The following PTCHD4 variants were observed in gnomAD, a reference collection of about 807,000 sequenced individuals.
PTCHD4 encodes patched domain containing 4.
Under a neutral mutation model 58.1 loss-of-function variants are expected in PTCHD4, and 33 were observed. That is an observed-to-expected ratio of 0.57 (90% CI 0.43 to 0.76). The LOEUF (loss-of-function observed/expected upper bound fraction) is 0.76. Ranked by LOEUF, PTCHD4 falls within the 30% of genes least tolerant of loss-of-function variation. PTCHD4 has a pLI of 0.00. For synonymous variants in PTCHD4, 478 were observed against 409.6 expected, an observed-to-expected ratio of 1.17 and a Z score of -2.02; for missense variants, 1,058 against 1,027.1, an observed-to-expected ratio of 1.03 and a Z score of -0.41.
intron 1 of PTCHD4, among the ~76,000 whole-genome samples, chr6:48,086,219 C>T (rs1481370284): frequency 2.0e-5 from 3 of 152,140 alleles, no homozygotes; most frequent in East Asian, 1.9e-4. Flanking sequence ...AAATGAGCAG[C>T]GTTATGTCCT....
intron 4 of PTCHD4, among the ~76,000 whole-genome samples, chr6:47,985,378 C>A (rs557644882): frequency 1.1e-4 from 17 of 152,082 alleles, no homozygotes; most frequent in African/African-American, 3.9e-4. Flanking sequence ...CTAGGATAAT[C>A]TAATATTTTC....
At chr6:47,913,848 T>C (rs1765147297) in intron 4 of PTCHD4, among the ~76,000 whole-genome samples, 1 of 152,156 alleles carries the variant, frequency 6.6e-6, no homozygotes, top group African/African-American at 2.4e-5. Context: ...AACATTTTTC[T>C]GTGATTGAGT....
At chr6:48,076,771 C>T (rs1278000257) in intron 1 of PTCHD4, among the ~76,000 whole-genome samples, 1 of 152,134 alleles carries the variant, frequency 6.6e-6, no homozygotes, top group African/African-American at 2.4e-5. Flanking sequence ...TCCAGGGATG[C>T]CTTGTGCTCG....
intron 4 of PTCHD4, among the ~76,000 whole-genome samples, chr6:47,935,140 A>C (rs1051146741): frequency 9.9e-5 from 15 of 152,210 alleles, no homozygotes; most frequent in African/African-American, 3.1e-4. Context: ...GGCTCTTGTT[A>C]TAAAATCAGA....
intron 1 of PTCHD4, among the ~76,000 whole-genome samples, chr6:48,071,415 T>C (rs1764972399): frequency 6.6e-6 from 1 of 152,164 alleles, no homozygotes; most frequent in Admixed American, 6.5e-5. Context: ...TATGAAACCA[T>C]TTTGCAAAAT....
At chr6:48,054,970 T>A (rs960389437) in intron 3 of PTCHD4, among the ~76,000 whole-genome samples, 2 of 152,208 alleles carry the variant, frequency 1.3e-5, no homozygotes, top group African/African-American at 4.8e-5. Flanking sequence ...ATACCATTTT[T>A]TGATCCCAGA....
chr6:47,995,846 A>G (rs1768465992), intron 4 of PTCHD4, among the ~76,000 whole-genome samples: 2 of 152,196 alleles, frequency 1.3e-5, no homozygotes, highest in South Asian at 2.1e-4. Context: ...TATTTGATGG[A>G]CGTGCAGCCA....
At chr6:48,093,164 G>A (rs1023442857) in intron 1 of PTCHD4, among the ~76,000 whole-genome samples, 9 of 152,102 alleles carry the variant, frequency 5.9e-5, no homozygotes, top group African/African-American at 9.7e-5. Flanking sequence ...ATTCTTGCAG[G>A]ATTCCTGCAA....
At chr6:48,106,825 A>G (rs192131012) in intron 1 of PTCHD4, among the ~76,000 whole-genome samples, 63 of 152,314 alleles carry the variant, frequency 4.1e-4, no homozygotes, top group Middle Eastern at 3.4e-3. Flanking sequence ...CAGAGAGCCA[A>G]ATGATGAGTT....
At chr6:47,969,266 C>G (rs1019017738) in intron 4 of PTCHD4, among the ~76,000 whole-genome samples, 5 of 152,192 alleles carry the variant, frequency 3.3e-5, no homozygotes, top group Admixed American at 6.5e-5. Context: ...GTATTTTCCT[C>G]TTGTGTACTC....
At chr6:47,925,711 T>C (rs992609404) in intron 4 of PTCHD4, among the ~76,000 whole-genome samples, 1 of 152,228 alleles carries the variant, frequency 6.6e-6, no homozygotes, top group Admixed American at 6.5e-5. Flanking sequence ...TTGCTTTTAG[T>C]TATTCTTTGC....
At chr6:48,015,309 T>A (rs1040807528) in intron 3 of PTCHD4, among the ~76,000 whole-genome samples, 6 of 151,854 alleles carry the variant, frequency 4.0e-5, no homozygotes, top group South Asian at 4.1e-4. Flanking sequence ...TTGTACAATT[T>A]AAATGAGACA....
intron 4 of PTCHD4, among the ~76,000 whole-genome samples, chr6:47,950,197 A>G (rs1162017997): frequency 6.6e-6 from 1 of 152,090 alleles, no homozygotes; most frequent in Non-Finnish European, 1.5e-5. Flanking sequence ...ATGTCCCTAC[A>G]AAGGACATAA....
chr6:48,051,513 A>T (rs1354437366), intron 3 of PTCHD4, among the ~76,000 whole-genome samples: 1 of 151,858 alleles, frequency 6.6e-6, no homozygotes, highest in Non-Finnish European at 1.5e-5. Context: ...GGGGTCATGG[A>T]AAGTTCCACT....
At chr6:47,891,757 G>A (rs1764388377) in intron 4 of PTCHD4, among the ~76,000 whole-genome samples, 1 of 151,474 alleles carries the variant, frequency 6.6e-6, no homozygotes, top group African/African-American at 2.4e-5. Flanking sequence ...CCGATGGCGT[G>A]GGTTTTTCCT....
chr6:48,097,675 C>T (rs1765502892), intron 1 of PTCHD4, among the ~76,000 whole-genome samples: 1 of 152,126 alleles, frequency 6.6e-6, no homozygotes, highest in South Asian at 2.1e-4. Flanking sequence ...GACAAAGCCC[C>T]TGTCTTCTGA....
chr6:48,068,147 AT>A lies in PTCHD4; in HGVS notation c.417+82del. Reference sequence around the variant, plus strand: ...CCTGAGATCCTCTAGCACTGAAATAATATCATCCAGCACGCATTTCTTATCC... The same window carrying A: ...CCTGAGATCCTCTAGCACTGAAATAAATCATCCAGCACGCATTTCTTATCC... On this transcript the variant is annotated intron_variant, in intron 3 of 4. Coordinates refer to ENST00000339488, the MANE Select transcript of PTCHD4 (RefSeq NM_001384253.1). The surrounding 1 kb of genome is among the most constrained non-coding windows in gnomAD (Gnocchi z 4.2). The A allele has an allele frequency of 7.0e-7, 1 of 1,420,232 alleles. No homozygotes were observed. The highest frequency in any genetic ancestry group is 1.4e-5 in the South Asian group (1 of 69,622). The allele number at this position is 1,420,232 out of a possible 1,614,324, so 88.0% of individuals were successfully genotyped here.
rs1763538530 is a variant in PTCHD4, at chr6:47,865,465, T to C, written c.*12838A>G. Among the ~76,000 whole-genome samples the C allele has an allele frequency of 6.6e-6, 1 of 151,890 alleles. No individual in the cohort carries two copies. Among genetic ancestry groups the C allele is most frequent in the African/African-American group, 2.4e-5 (1 of 41,396 alleles). On this transcript the variant is annotated 3_prime_UTR_variant, in exon 5 of 5. Transcript: ENST00000339488. ...GGAATGTGAAGATTAAACTATACATTAGAGTATTGTAGTAAATAGATCACA... is the reference window on the plus strand; with the variant it reads ...GGAATGTGAAGATTAAACTATACATCAGAGTATTGTAGTAAATAGATCACA...
chr6:47,965,902 G>A (rs952773784), intron 4 of PTCHD4, among the ~76,000 whole-genome samples: 2 of 152,104 alleles, frequency 1.3e-5, no homozygotes, highest in African/African-American at 2.4e-5. Flanking sequence ...GTGACACAGC[G>A]AGACTCCATC....
Sources: allele counts gnomAD v4.1 joint callset (sites outside exome capture counted in the v4.1 genomes callset), GRCh38; gene constraint gnomAD v4.1.1; non-coding constraint Gnocchi (gnomAD v3.1); transcripts MANE v1.5; gene names NCBI Gene and HGNC (gene_info 2026-07-23, HGNC 2026-07-21).